Variants in FREM1 observed in about 807,000 individuals in gnomAD.
The protein encoded by FREM1 is FRAS1-related extracellular matrix protein 1.
FREM1 carries 220 observed loss-of-function variants against 210.1 expected under a neutral mutation model. That is an observed-to-expected ratio of 1.05 (90% CI 0.94 to 1.17). The LOEUF is 1.17. Among genes scored for constraint, FREM1 ranks in the 50% most tolerant of loss-of-function variants. The pLI, the probability that FREM1 is intolerant of heterozygous loss-of-function variation, is 0.00. For missense variants in FREM1, 3,454 were observed against 2,675.5 expected (o/e 1.29, Z -6.42); for synonymous variants, 1,189 against 980.2 (o/e 1.21, Z -3.98).
At position 14,842,597 on chromosome 9, in the gene FREM1, T is replaced by A. The variant is rs760195939; in HGVS notation, c.1457A>T (p.Asp486Val). The A allele has an allele frequency of 1.9e-6, 3 of 1,613,786 alleles. No individual in the cohort carries two copies. Among genetic ancestry groups the A allele is most frequent in the Admixed American group, 1.7e-5 (1 of 60,000 alleles). The change falls in exon 9 of 37, where the codon GAT becomes GTT. Residue 486 changes from aspartate (D) to valine (V), a missense_variant. Coordinates refer to ENST00000380880, the MANE Select transcript of FREM1 (RefSeq NM_001379081.2). ...GAAGTCTTTGGTGGAGTCGCTGTCA[T>A]CATGATGATAGCGAACAACTCCAGC... is the stretch of plus-strand genomic sequence containing the variant. ...LQAGVVRYHH[D>V]DSDSTKDFVV...
At chr9:14,831,862 C>A (rs1333774194) in intron 10 of FREM1, among the ~76,000 whole-genome samples, 1 of 152,210 alleles carries the variant, frequency 6.6e-6, no homozygotes, top group Non-Finnish European at 1.5e-5. Flanking sequence ...CTCGGAGGGT[C>A]ACGCCTGCAA....
In FREM1 at chr9:14,884,300, T is replaced by G. The variant is rs1307887418; in HGVS notation, c.-267-15056A>C. On this transcript the variant is annotated intron_variant, in intron 1 of 36. Coordinates refer to ENST00000380880, the MANE Select transcript of FREM1 (RefSeq NM_001379081.2). ...TCTTGGCTTGCTTGTGTGGCTCAGC[T>G]GTTTCTTAACATTTCGAAATCCTCC... 2.0e-5 allele frequency among the ~76,000 whole-genome samples: 3 copies of G among 152,372 alleles called. No homozygotes were observed. The South Asian group carries it at 6.2e-4, about 32-fold the overall frequency.
intron 1 of FREM1, among the ~76,000 whole-genome samples, chr9:14,904,019 G>A (rs764938044): frequency 1.3e-5 from 2 of 151,240 alleles, no homozygotes; most frequent in Non-Finnish European, 2.9e-5. Context: ...CTGCTTGGGA[G>A]GCTGAGGCAG....
At position 14,837,849 on chromosome 9, in the gene FREM1, T is replaced by G. The variant is rs117807509; in HGVS notation, c.1881+3598A>C. Among the ~76,000 whole-genome samples, 186 of 152,356 alleles carry G rather than the reference T, an allele frequency of 1.2e-3. 1 individual carries two copies. The East Asian group carries it at 0.022, about 18-fold the overall frequency. ...CATAATGGATAAACATGCTGTAAAC[T>G]TTGGCAACAGTCATGAAAGGATAGA... On this transcript the variant is annotated intron_variant, in intron 10 of 36. Coordinates refer to ENST00000380880, the MANE Select transcript of FREM1 (RefSeq NM_001379081.2).
chr9:14,832,532 C>G (rs1347819250), intron 10 of FREM1, among the ~76,000 whole-genome samples: 2 of 152,196 alleles, frequency 1.3e-5, no homozygotes, highest in African/African-American at 4.8e-5. Flanking sequence ...CTCTTAACAA[C>G]CCTAATTGAA....
At chr9:14,899,384 G>C (rs1036870675) in intron 1 of FREM1, among the ~76,000 whole-genome samples, 1 of 152,196 alleles carries the variant, frequency 6.6e-6, no homozygotes, top group African/African-American at 2.4e-5. Context: ...GGCAGAATTT[G>C]GGGGTGGCCT....
intron 4 of FREM1, 107 bp from the exon 5 acceptor site, chr9:14,857,856 G>A: frequency 1.4e-6 from 1 of 732,992 alleles, no homozygotes; most frequent in Admixed American, 2.9e-5. Flanking sequence ...CACTGCCTCA[G>A]GAACACTCAT....
chr9:14,860,792 T>TATATACAC (rs1829909939), intron 3 of FREM1, among the ~76,000 whole-genome samples: 15 of 126,506 alleles, frequency 1.2e-4, no homozygotes, highest in African/African-American at 4.0e-4. Flanking sequence ...CATATATACA[T>TATATACAC]ATATACACAT....
At position 14,863,840 on chromosome 9, in the gene FREM1, C is replaced by G. The variant is rs1424686174; in HGVS notation, c.298G>C (p.Asp100His). 1.9e-6 allele frequency: 3 copies of G among 1,613,132 alleles called. No homozygotes were observed. The highest frequency in any genetic ancestry group is 2.5e-6 in the Non-Finnish European group (3 of 1,179,316). ...AGTCTGAGCTTCACTGTGTCTTCAT[C>G]AAGAATTGGACAACCATTGTGAACA... ...KYVHNGCPIL[D>H]EDTVKLRLYR... Residue 100 changes from aspartate (D) to histidine (H), a missense_variant, in exon 3 of 37, where the codon GAT becomes CAT. Transcript: ENST00000380880.
At chr9:14,789,187 C>G in intron 22 of FREM1, 73 bp from the exon 23 acceptor site, 1 of 970,238 alleles carries the variant, frequency 1.0e-6, no homozygotes, top group Non-Finnish European at 1.5e-6. Flanking sequence ...TGGACATTTT[C>G]TGTATCCCCT....
At chr9:14,778,357 A>AT (rs1554656938) in intron 24 of FREM1, among the ~76,000 whole-genome samples, 2 of 151,118 alleles carry the variant, frequency 1.3e-5, no homozygotes, top group African/African-American at 4.9e-5. Flanking sequence ...ACACCTGTAA[A>AT]CCCAGTACCT....
rs377476001 is a variant in FREM1, at chr9:14,775,821, C to G, written c.4825G>C (p.Val1609Leu). The change falls in exon 25 of 37, where the codon GTG (valine) becomes CTG (leucine). Residue 1609 changes from valine (V) to leucine (L), a missense_variant. Transcript: ENST00000380880. ...TNQGFIVNGRVWEEPVLFTIQ... is the reference protein window; with the variant it reads ...TNQGFIVNGRLWEEPVLFTIQ... ...GTGAATAAAACAGGTTCTTCCCACA[C>G]TCTCCCATTCACAATAAAGCCTTGG... 4 of 1,613,000 alleles carry G rather than the reference C, an allele frequency of 2.5e-6. No homozygotes were observed. The highest frequency in any genetic ancestry group is 3.4e-6 in the Non-Finnish European group (4 of 1,179,368).
intron 1 of FREM1, among the ~76,000 whole-genome samples, chr9:14,890,099 C>T (rs893278141): frequency 6.6e-6 from 1 of 152,186 alleles, no homozygotes; most frequent in African/African-American, 2.4e-5. Flanking sequence ...GGTACTGTAA[C>T]CTGCTGTTCA....
intron 16 of FREM1, among the ~76,000 whole-genome samples, chr9:14,809,013 T>C (rs998774376): frequency 2.6e-5 from 4 of 152,208 alleles, no homozygotes; most frequent in Non-Finnish European, 4.4e-5. Context: ...AATCTCATCT[T>C]GAATTGTAAC....
chr9:14,878,657 A>G (rs993057906), intron 1 of FREM1, among the ~76,000 whole-genome samples: 15 of 152,192 alleles, frequency 9.9e-5, no homozygotes, highest in Admixed American at 9.2e-4. Flanking sequence ...TACCAACCTA[A>G]TATTAGTCAC....
intron 30 of FREM1, 89 bp downstream of exon 30, chr9:14,750,038 G>C: frequency 7.7e-7 from 1 of 1,297,856 alleles, no homozygotes; most frequent in Non-Finnish European, 1.1e-6. Flanking sequence ...ATTTTGATTT[G>C]AAGGTGTTAT....
chr9:14,834,107 A>G (rs1341306905), intron 10 of FREM1, among the ~76,000 whole-genome samples: 1 of 152,234 alleles, frequency 6.6e-6, no homozygotes, highest in East Asian at 1.9e-4. Flanking sequence ...TTGGTGAGTA[A>G]TAACTAGGTA....
At chr9:14,743,110 G>C (rs560630102) in intron 35 of FREM1, among the ~76,000 whole-genome samples, 1 of 152,266 alleles carries the variant, frequency 6.6e-6, no homozygotes, top group South Asian at 2.1e-4. Flanking sequence ...AAGGAGGCAT[G>C]TAGAACTACA....
intron 23 of FREM1, among the ~76,000 whole-genome samples, chr9:14,787,530 G>A (rs1345809009): frequency 2.0e-5 from 3 of 152,140 alleles, no homozygotes; most frequent in African/African-American, 7.2e-5. Flanking sequence ...GCATGTGGCT[G>A]TGATTCAGCC....
Sources: allele counts gnomAD v4.1 joint callset (sites outside exome capture counted in the v4.1 genomes callset), GRCh38; gene constraint gnomAD v4.1.1; transcripts MANE v1.5; gene names NCBI Gene and HGNC (gene_info 2026-07-23, HGNC 2026-07-21).